PLAT: variants seen among roughly 807,000 people sequenced by gnomAD.
The protein encoded by PLAT is tissue-type plasminogen activator.
PLAT carries 48 observed loss-of-function variants against 74.9 expected under a neutral mutation model. The ratio of observed to expected loss-of-function variants is 0.64; its 90% CI spans 0.51 to 0.82. The LOEUF (loss-of-function observed/expected upper bound fraction) is 0.82. PLAT is among the 40% of genes least tolerant of loss of function. The pLI, the probability that PLAT is intolerant of heterozygous loss-of-function variation, is 0.00. For missense variants in PLAT, 673 were observed against 736.2 expected (o/e 0.91, Z 0.99); for synonymous variants, 307 against 294.4 (o/e 1.04, Z -0.44).
At chr8:42,203,988 TATATACACACACACAC>T (rs1220403582) in intron 1 of PLAT, among the ~76,000 whole-genome samples, 3 of 123,262 alleles carry the variant, frequency 2.4e-5, no homozygotes, top group Non-Finnish European at 4.6e-5. Flanking sequence ...TATATATATA[TATATACACACACACAC>T]ACACACACAC....
rs1805148751 is a variant in PLAT, at chr8:42,179,923, T to C, written c.1363+3A>G. 6.3e-7 allele frequency: 1 copy of C among 1,586,634 alleles called. No individual in the cohort carries two copies. Among genetic ancestry groups the C allele is most frequent in the African/African-American group, 1.3e-5 (1 of 74,536 alleles). The stretch of plus-strand genomic sequence containing the variant: ...GATGGGGCCGAGACTTCCTTCCACT[T>C]ACAGGCCTCATGCTTGCCGTAGCCG... On this transcript the variant is annotated splice_donor_region_variant and intron_variant, in intron 12 of 13. Transcript: ENST00000220809.
chr8:42,199,673 A>G (rs1806052747), intron 1 of PLAT, among the ~76,000 whole-genome samples: 1 of 152,176 alleles, frequency 6.6e-6, no homozygotes, highest in Non-Finnish European at 1.5e-5. Flanking sequence ...TGGGTCTAGG[A>G]AAACAGAAGT....
chr8:42,206,707 T>C (rs947995031), intron 1 of PLAT: 1 of 152,106 alleles, frequency 6.6e-6, no homozygotes, highest in Admixed American at 6.6e-5. Flanking sequence ...CCCTGTGAGG[T>C]TAAGAAAATA....
At position 42,176,007 on chromosome 8, in the gene PLAT, T is replaced by C; in HGVS notation, c.1675A>G (p.Asn559Asp). 6.2e-7 allele frequency: 1 copy of C among 1,614,192 alleles called. No individual in the cohort carries two copies. The highest frequency in any genetic ancestry group is 1.1e-5 in the South Asian group (1 of 91,086). ...GGTGTTCCTGGTCACGGTCGCATGT[T>C]GTCACGAATCCAGTCTAGGTAGTTG... ...VTNYLDWIRD[N>D]MRP The change falls in exon 14 of 14, where the codon AAC (asparagine) becomes GAC (aspartate). Residue 559 changes from asparagine to aspartate, a missense_variant. Transcript: ENST00000220809.
chr8:42,206,423 T>G (rs1378147672), intron 1 of PLAT, among the ~76,000 whole-genome samples: 1 of 152,184 alleles, frequency 6.6e-6, no homozygotes. Flanking sequence ...GAATGAGCGT[T>G]CTTGCCACAG....
At position 42,187,499 on chromosome 8, in the gene PLAT, G is replaced by T; in HGVS notation, c.438C>A (p.Ala146=). The change falls in exon 6 of 14, where the codon GCC becomes GCA. Residue 146 remains alanine (A), a synonymous_variant. Transcript: ENST00000220809. ...CGCTGCTGTTCCAGTTGGTGCACTC[G>T]GCGCCACTCTCCGCTGTGCTCCACG... is the stretch of plus-strand genomic sequence containing the variant. ...RGTWSTAESG[A]ECTNWNSSAL... 1 of 1,611,334 alleles carries T rather than the reference G, an allele frequency of 6.2e-7. No homozygotes were observed.
At chr8:42,203,992 T>TATATATATATATATATATATATATACAC (rs1554499838) in intron 1 of PLAT, among the ~76,000 whole-genome samples, 3 of 109,858 alleles carry the variant, frequency 2.7e-5, no homozygotes, top group African/African-American at 1.6e-4. Flanking sequence ...TATATATATA[T>TATATATATATATATATATATATATACAC]ACACACACAC....
rs146538335 is a variant in PLAT, at chr8:42,180,333, C to T, written c.1131G>A (p.Arg377=). The T allele has an allele frequency of 1.5e-4, 250 of 1,614,226 alleles. No homozygotes were observed. The highest frequency in any genetic ancestry group is 3.3e-4 in the Admixed American group (20 of 60,036). The change falls in exon 11 of 14, where the codon CGG becomes CGA. Residue 377 remains arginine, a synonymous_variant. Transcript: ENST00000220809. ...TCTGCTCCTCCTCGCCAGGGACCAC[C>T]CGGTATGTTCTGCCCAAGATCACCG... ...HLTVILGRTY[R]VVPGEEEQKF... is the part of the protein sequence containing the mutation.
intron 1 of PLAT, among the ~76,000 whole-genome samples, chr8:42,203,959 T>TGTCTCTA (rs1187253850): frequency 3.8e-5 from 5 of 132,190 alleles, no homozygotes; most frequent in African/African-American, 1.8e-4. Flanking sequence ...AGTCAGACCT[T>TGTCTCTA]GTCTCTAAAT....
intron 1 of PLAT, among the ~76,000 whole-genome samples, chr8:42,196,791 C>T (rs1034110808): frequency 4.0e-5 from 6 of 151,324 alleles, no homozygotes; most frequent in Non-Finnish European, 8.8e-5. Context: ...TGTGTTATCT[C>T]CCTTTTGCTA....
chr8:42,193,145 A>T lies in PLAT; in HGVS notation c.41T>A (p.Leu14Gln). ...GGGCGAAACGAAGACTGCTCCACAC[A>T]GCAGCAGCACACAGCAGAGCCCTCT... ...MKRGLCCVLL[L>Q]CGAVFVSPSQ... is the part of the protein sequence containing the mutation. The change falls in exon 2 of 14, where the codon CTG (leucine) becomes CAG (glutamine). Residue 14 changes from leucine (L) to glutamine (Q), a missense_variant. Physicochemically the swap from Leu to Gln is moderately radical, Grantham distance 113. Transcript: ENST00000220809. 1 of 1,612,668 alleles carries T rather than the reference A, an allele frequency of 6.2e-7. No homozygotes were observed. Among genetic ancestry groups the T allele is most frequent in the Non-Finnish European group, 8.5e-7 (1 of 1,178,634 alleles).
At chr8:42,207,090 G>A (rs923319004) in intron 1 of PLAT, among the ~76,000 whole-genome samples, 1 of 152,206 alleles carries the variant, frequency 6.6e-6, no homozygotes, top group African/African-American at 2.4e-5. Flanking sequence ...AGGGGACCCA[G>A]CGGGCCCTCC....
chr8:42,195,081 C>T (rs1367197277), intron 1 of PLAT, among the ~76,000 whole-genome samples: 2 of 152,142 alleles, frequency 1.3e-5, no homozygotes, highest in African/African-American at 4.8e-5. Flanking sequence ...TGACTCATTT[C>T]CCTTCGGTCA....
At chr8:42,183,809 G>A (rs1587931685) in intron 7 of PLAT, among the ~76,000 whole-genome samples, 1 of 152,090 alleles carries the variant, frequency 6.6e-6, no homozygotes, top group South Asian at 2.1e-4. Context: ...TAGAGTGACT[G>A]TAAAGTCTTC....
intron 1 of PLAT, among the ~76,000 whole-genome samples, chr8:42,195,955 G>T (rs567238048): frequency 6.6e-6 from 1 of 152,158 alleles, no homozygotes; most frequent in African/African-American, 2.4e-5. Flanking sequence ...CAGCCCTCTC[G>T]ATAGGCTCCT....
At chr8:42,187,083 A>G (rs1805504456) in intron 6 of PLAT, 1 of 244,890 alleles carries the variant, frequency 4.1e-6, no homozygotes, top group Non-Finnish European at 7.8e-6. Flanking sequence ...TCTATCATCT[A>G]TTTATCTATC....
chr8:42,195,974 G>A (rs1182413616), intron 1 of PLAT, among the ~76,000 whole-genome samples: 1 of 152,166 alleles, frequency 6.6e-6, no homozygotes, highest in African/African-American at 2.4e-5. Context: ...CTGCACCCCA[G>A]CCTGGGATAC....
At chr8:42,179,842 T>TCC in intron 12 of PLAT, 84 bp downstream of exon 12, 1 of 1,380,966 alleles carries the variant, frequency 7.2e-7, no homozygotes, top group Non-Finnish European at 9.7e-7. Flanking sequence ...AACTTCGGTC[T>TCC]CCTGACCCCA....
intron 8 of PLAT, 97 bp downstream of exon 8, chr8:42,182,622 G>T (rs1805292880): frequency 1.1e-6 from 1 of 873,002 alleles, no homozygotes; most frequent in Non-Finnish European, 1.8e-6. Context: ...CACGCACTGG[G>T]TCTGTCATGC....
Sources: allele counts gnomAD v4.1 joint callset (sites outside exome capture counted in the v4.1 genomes callset), GRCh38; gene constraint gnomAD v4.1.1; transcripts MANE v1.5; gene names NCBI Gene and HGNC (gene_info 2026-07-23, HGNC 2026-07-21).